JAKMIP2: variants seen among roughly 807,000 people sequenced by gnomAD.
The protein encoded by JAKMIP2 is janus kinase and microtubule-interacting protein 2.
Under a neutral mutation model 115.0 loss-of-function variants are expected in JAKMIP2, and 25 were observed. The ratio of observed to expected loss-of-function variants is 0.22; its 90% CI spans 0.16 to 0.30. The LOEUF (loss-of-function observed/expected upper bound fraction) is 0.30. Among genes scored for constraint, JAKMIP2 ranks in the 10% least tolerant of loss-of-function variants. The probability of loss-of-function intolerance (pLI) is 1.00; values close to 1 mark genes in which losing one functional copy is unlikely to be tolerated. For synonymous variants in JAKMIP2, 334 were observed against 343.6 expected (o/e 0.97, Z 0.31); for missense variants, 642 against 957.6 (o/e 0.67, Z 4.35).
chr5:147,682,039 CAA>C (rs201220964), intron 1 of JAKMIP2, among the ~76,000 whole-genome samples: 14 of 76,246 alleles, frequency 1.8e-4, no homozygotes, highest in Admixed American at 2.9e-4. Context: ...AACTCTGTTT[CAA>C]AAAAAAAAAA....
chr5:147,670,918 AC>A (rs1759547507), intron 2 of JAKMIP2, among the ~76,000 whole-genome samples: 1 of 152,244 alleles, frequency 6.6e-6, no homozygotes, highest in South Asian at 2.1e-4. Context: ...ACAGCACTAA[AC>A]AAGTAAAAAG....
intron 1 of JAKMIP2, among the ~76,000 whole-genome samples, chr5:147,758,713 G>A (rs1205356686): frequency 6.6e-6 from 1 of 152,104 alleles, no homozygotes; most frequent in African/African-American, 2.4e-5. Context: ...TTCCTGAGTG[G>A]CTGAGACTAC....
chr5:147,591,843 TA>T (rs1755106944), intron 21 of JAKMIP2, among the ~76,000 whole-genome samples, 157 bp from the exon 22 acceptor site: 1 of 152,212 alleles, frequency 6.6e-6, no homozygotes, highest in Non-Finnish European at 1.5e-5. Flanking sequence ...TTAGTTACTT[TA>T]ATTTTAAGGG....
intron 3 of JAKMIP2, among the ~76,000 whole-genome samples, chr5:147,657,075 C>G (rs530059408): frequency 2.0e-5 from 3 of 152,170 alleles, no homozygotes; most frequent in Admixed American, 2.0e-4. Context: ...GTCAGGAGAT[C>G]GAGACCATCC....
intron 1 of JAKMIP2, among the ~76,000 whole-genome samples, chr5:147,744,891 T>C (rs887455175): frequency 5.9e-5 from 9 of 151,592 alleles, no homozygotes; most frequent in African/African-American, 2.2e-4. Context: ...AACCCCTTCT[T>C]TACTAAAAAT....
intron 20 of JAKMIP2, among the ~76,000 whole-genome samples, chr5:147,606,357 G>A (rs890882799): frequency 3.9e-5 from 6 of 152,116 alleles, no homozygotes; most frequent in South Asian, 2.1e-4. Context: ...GTTAATTTTC[G>A]TATAAGGTGT....
chr5:147,782,052 G>A lies in JAKMIP2; in HGVS notation c.-149+404C>T, dbSNP rs563973554. On this transcript the variant is annotated intron_variant, in intron 1 of 21. Transcript: ENST00000616793. ...CTTATAATGAGTCTGGTAAGCTTAT[G>A]AGACACCAAATGTATTTCTGAAGAA... Among the ~76,000 whole-genome samples the A allele has an allele frequency of 4.6e-5, 7 of 152,278 alleles. No individual in the cohort carries two copies. In the South Asian group the frequency reaches 1.5e-3, roughly 32 times the overall value.
chr5:147,598,674 G>C (rs980773403), intron 21 of JAKMIP2, among the ~76,000 whole-genome samples: 2 of 152,094 alleles, frequency 1.3e-5, no homozygotes, highest in Non-Finnish European at 2.9e-5. Flanking sequence ...TCCAGTAAGG[G>C]TGCCTTCTAG....
chr5:147,657,279 CAAACA>C (rs58500462), intron 3 of JAKMIP2, among the ~76,000 whole-genome samples: 4 of 151,364 alleles, frequency 2.6e-5, no homozygotes, highest in Admixed American at 6.6e-5. Flanking sequence ...GACTCCGTCT[CAAACA>C]AAACAAAACA....
At chr5:147,663,047 G>A (rs1406066243) in intron 2 of JAKMIP2, among the ~76,000 whole-genome samples, 2 of 152,020 alleles carry the variant, frequency 1.3e-5, no homozygotes, top group Non-Finnish European at 2.9e-5. Context: ...AGGAGTAATA[G>A]CTAGTTGAGT....
intron 7 of JAKMIP2, 122 bp downstream of exon 7, chr5:147,643,936 C>A: frequency 4.5e-6 from 3 of 659,504 alleles, no homozygotes; most frequent in South Asian, 4.2e-5. Flanking sequence ...AACAAAATTA[C>A]ATATTTAACA....
intron 1 of JAKMIP2, among the ~76,000 whole-genome samples, chr5:147,777,347 C>A (rs893916589): frequency 6.6e-6 from 1 of 152,076 alleles, no homozygotes; most frequent in African/African-American, 2.4e-5. Flanking sequence ...AAAATGCATG[C>A]GGAAATTTAA....
chr5:147,593,692 T>C (rs1755209179), intron 21 of JAKMIP2, among the ~76,000 whole-genome samples: 1 of 152,086 alleles, frequency 6.6e-6, no homozygotes, highest in South Asian at 2.1e-4. Flanking sequence ...AATATTTAAT[T>C]AAAAGATGAG....
At chr5:147,653,783 C>T (rs970346594) in intron 3 of JAKMIP2, among the ~76,000 whole-genome samples, 1 of 152,132 alleles carries the variant, frequency 6.6e-6, no homozygotes, top group African/African-American at 2.4e-5. Flanking sequence ...GAAGTCTTTG[C>T]CCATGCCTAT....
intron 1 of JAKMIP2, among the ~76,000 whole-genome samples, chr5:147,704,357 G>A (rs751876987): frequency 2.0e-5 from 3 of 152,122 alleles, no homozygotes; most frequent in Admixed American, 6.5e-5. Flanking sequence ...CTGCTACAAC[G>A]TCACTAAGCA....
chr5:147,710,125 A>G (rs1029825886), intron 1 of JAKMIP2, among the ~76,000 whole-genome samples: 4 of 152,208 alleles, frequency 2.6e-5, no homozygotes, highest in Non-Finnish European at 5.9e-5. Flanking sequence ...GAACAACACT[A>G]TGAGTTCTTT....
chr5:147,626,482 C>T (rs1260697062), intron 16 of JAKMIP2, among the ~76,000 whole-genome samples: 2 of 152,190 alleles, frequency 1.3e-5, no homozygotes, highest in African/African-American at 2.4e-5. Context: ...TAGAACCAGA[C>T]TCCTTGGGTG....
chr5:147,720,100 G>C (rs1384415848), intron 1 of JAKMIP2, among the ~76,000 whole-genome samples: 1 of 151,870 alleles, frequency 6.6e-6, no homozygotes, highest in African/African-American at 2.4e-5. Flanking sequence ...TTTCTCCTTT[G>C]CTTATGAAGC....
At chr5:147,665,746 G>C (rs539826391) in intron 2 of JAKMIP2, among the ~76,000 whole-genome samples, 1 of 152,238 alleles carries the variant, frequency 6.6e-6, no homozygotes, top group Non-Finnish European at 1.5e-5. Context: ...AAAGTACCTT[G>C]AACTGTAAAG....
Sources: gnomAD v4.1 joint callset for allele counts (sites outside exome capture counted in the v4.1 genomes callset) on GRCh38, gnomAD v4.1.1 for gene constraint, MANE v1.5 for transcripts, NCBI Gene and HGNC (gene_info 2026-07-23, HGNC 2026-07-21) for gene names.